Variants in CHRNA7 observed in about 807,000 individuals in gnomAD.
CHRNA7 encodes cholinergic receptor nicotinic alpha 7 subunit, also known as neuronal acetylcholine receptor subunit alpha-7.
In CHRNA7, 17 loss-of-function variants were observed where a neutral mutation model predicts 48.0. The observed-to-expected ratio is 0.35, with a 90% CI of 0.24 to 0.53. CHRNA7 has a LOEUF of 0.53. Ranked by LOEUF, CHRNA7 falls within the 20% of genes least tolerant of loss-of-function variation. CHRNA7 has a pLI of 0.92. For synonymous variants in CHRNA7, 75 were observed against 242.3 expected (o/e 0.31, Z 6.41); for missense variants, 155 against 577.7 (o/e 0.27, Z 7.50).
intron 2 of CHRNA7, among the ~76,000 whole-genome samples, chr15:32,073,843 T>C (rs1039603798): frequency 6.6e-6 from 1 of 152,186 alleles, no homozygotes; most frequent in African/African-American, 2.4e-5. Context: ...AAGCAGATGC[T>C]GGCACCATGC....
intron 2 of CHRNA7, among the ~76,000 whole-genome samples, chr15:32,067,829 A>G (rs2141213444): frequency 6.6e-6 from 1 of 152,348 alleles, no homozygotes; most frequent in African/African-American, 2.4e-5. Flanking sequence ...AATCCAGACA[A>G]GATTGTTAGA....
At chr15:32,081,247 T>G (rs2050210921) in intron 2 of CHRNA7, among the ~76,000 whole-genome samples, 1 of 152,172 alleles carries the variant, frequency 6.6e-6, no homozygotes. Context: ...GGCACATGTT[T>G]ACCTGTGTAA....
chr15:32,054,733 T>C (rs934248665), intron 2 of CHRNA7, among the ~76,000 whole-genome samples: 1 of 152,368 alleles, frequency 6.6e-6, no homozygotes, highest in East Asian at 1.9e-4. Context: ...CCCAAGTTGT[T>C]GTCTGTAGCT....
rs1432915575 is a variant in CHRNA7 at position 32,169,240 on chromosome 15, CTG to C, written c.*784_*785del. The stretch of plus-strand genomic sequence containing the variant: ...TCAGACACTGAGGAGTTGAGCAAAT[CTG>C]TTCTATTCTGCAGAACCCACAGGAC... On this transcript the variant is annotated 3_prime_UTR_variant, in exon 10 of 10. Transcript: ENST00000306901. The C allele has an allele frequency of 2.7e-5, 4 of 149,340 alleles. No homozygotes were observed. The highest frequency in any genetic ancestry group is 9.9e-5 in the African/African-American group (4 of 40,428). The allele number at this position is 149,340 out of a possible 1,614,324, so 9.3% of individuals were successfully genotyped here. A position where few individuals can be genotyped will look rare whatever the true frequency, so the allele number is the denominator to read the frequency against.
chr15:32,044,398 C>T (rs1315808869), intron 2 of CHRNA7, among the ~76,000 whole-genome samples: 1 of 152,130 alleles, frequency 6.6e-6, no homozygotes, highest in Non-Finnish European at 1.5e-5. Flanking sequence ...CTGCCTCAGC[C>T]TCCCGAGTAG....
intron 2 of CHRNA7, among the ~76,000 whole-genome samples, chr15:32,087,942 C>A (rs1286947041): frequency 6.6e-6 from 1 of 152,138 alleles, no homozygotes. Flanking sequence ...ATCACCGAAT[C>A]TCCTAAGTAT....
At chr15:32,147,902 C>T (rs1000284793) in intron 4 of CHRNA7, among the ~76,000 whole-genome samples, 4 of 152,196 alleles carry the variant, frequency 2.6e-5, no homozygotes, top group Admixed American at 1.3e-4. Flanking sequence ...GGCATTGCTT[C>T]CGTCAGTGGT....
intron 4 of CHRNA7, among the ~76,000 whole-genome samples, chr15:32,135,375 TCAAACTAGTA>T (rs1471198244): frequency 6.6e-6 from 1 of 152,222 alleles, no homozygotes; most frequent in Non-Finnish European, 1.5e-5. Context: ...AATGGGAAAG[TCAAACTAGTA>T]CAAATTTATA....
chr15:32,136,652 G>C (rs2051263873), intron 4 of CHRNA7, among the ~76,000 whole-genome samples: 1 of 152,262 alleles, frequency 6.6e-6, no homozygotes, highest in Admixed American at 6.5e-5. Context: ...CAAGGTTAAA[G>C]TGTGAGAATA....
chr15:32,087,861 C>T (rs1399190), intron 2 of CHRNA7, among the ~76,000 whole-genome samples: 145,604 of 152,292 alleles, frequency 0.96, 69,943 homozygotes, highest in East Asian at 1. Context: ...CTCCCAGTCA[C>T]GTCAGTAAGG....
chr15:32,147,419 T>C (rs976533736), intron 4 of CHRNA7, among the ~76,000 whole-genome samples: 2 of 152,224 alleles, frequency 1.3e-5, no homozygotes, highest in East Asian at 3.9e-4. Context: ...TATGAACAGA[T>C]AGCACGTGCC....
chr15:32,113,106 G>T (rs2050790543), intron 4 of CHRNA7, among the ~76,000 whole-genome samples: 1 of 152,144 alleles, frequency 6.6e-6, no homozygotes, highest in Non-Finnish European at 1.5e-5. Context: ...AAGTGCTACA[G>T]ACTCAGAGCC....
chr15:32,133,772 G>A (rs1365793940), intron 4 of CHRNA7, among the ~76,000 whole-genome samples: 1 of 152,168 alleles, frequency 6.6e-6, no homozygotes, highest in Non-Finnish European at 1.5e-5. Context: ...ACCAATTGTA[G>A]TGGCATGCAA....
intron 4 of CHRNA7, among the ~76,000 whole-genome samples, chr15:32,125,827 CCTG>C (rs1055247230): frequency 1.3e-5 from 2 of 152,130 alleles, no homozygotes; most frequent in African/African-American, 4.8e-5. Flanking sequence ...AAGACTCTGT[CCTG>C]CTGGGCATGA....
At chr15:32,079,760 A>G (rs1333509861) in intron 2 of CHRNA7, among the ~76,000 whole-genome samples, 1 of 150,212 alleles carries the variant, frequency 6.7e-6, no homozygotes, top group Non-Finnish European at 1.5e-5. Context: ...TTAAATTACC[A>G]TTGACATTCT....
chr15:32,106,925 G>C (rs1370294299), intron 3 of CHRNA7, among the ~76,000 whole-genome samples: 5 of 152,002 alleles, frequency 3.3e-5, no homozygotes, highest in Non-Finnish European at 7.4e-5. Context: ...CTGACACATG[G>C]AAATGCCACG....
At chr15:32,088,747 A>G (rs1240218431) in intron 2 of CHRNA7, among the ~76,000 whole-genome samples, 1 of 152,078 alleles carries the variant, frequency 6.6e-6, no homozygotes, top group African/African-American at 2.4e-5. Flanking sequence ...GCCTGTTCAT[A>G]TCATTTGGCC....
intron 2 of CHRNA7, among the ~76,000 whole-genome samples, chr15:32,040,424 G>A (rs912720096): frequency 1.3e-5 from 2 of 151,376 alleles, no homozygotes; most frequent in South Asian, 2.1e-4. Flanking sequence ...TACTTTTTTA[G>A]TGGTTGCCCT....
At chr15:32,140,680 G>C (rs1157743908) in intron 4 of CHRNA7, among the ~76,000 whole-genome samples, 1 of 152,222 alleles carries the variant, frequency 6.6e-6, no homozygotes, top group Non-Finnish European at 1.5e-5. Flanking sequence ...GGCCAGTGAT[G>C]ATGAGCATTT....
Sources: gnomAD v4.1 joint callset for allele counts (sites outside exome capture counted in the v4.1 genomes callset) on GRCh38, gnomAD v4.1.1 for gene constraint, MANE v1.5 for transcripts, NCBI Gene and HGNC (gene_info 2026-07-23, HGNC 2026-07-21) for gene names.